Variants in ARNT2 observed in about 807,000 individuals in gnomAD.
ARNT2 encodes the protein aryl hydrocarbon receptor nuclear translocator 2.
In ARNT2, 36 loss-of-function variants were observed where a neutral mutation model predicts 91.7. That is an observed-to-expected ratio of 0.39 (90% confidence interval 0.30 to 0.52). The LOEUF is 0.52. Among genes scored for constraint, ARNT2 ranks in the 20% least tolerant of loss-of-function variants. The pLI is 0.72. For missense variants in ARNT2, 775 were observed against 939.3 expected (o/e 0.83, Z 2.29); for synonymous variants, 365 against 347.1 (o/e 1.05, Z -0.57).
At chr15:80,514,223 G>A in intron 7 of ARNT2, 97 bp from the exon 8 acceptor site, 1 of 1,306,040 alleles carries the variant, frequency 7.7e-7, no homozygotes, top group Non-Finnish European at 1.1e-6. Flanking sequence ...CACAAAGGCA[G>A]ACAAGGGAAC....
chr15:80,468,425 G>T (rs1896688872), intron 3 of ARNT2, among the ~76,000 whole-genome samples: 1 of 151,890 alleles, frequency 6.6e-6, no homozygotes, highest in Non-Finnish European at 1.5e-5. Context: ...TTGCTCCTCG[G>T]CCCCTCTACT....
intron 6 of ARNT2, among the ~76,000 whole-genome samples, chr15:80,508,956 G>A (rs541521980): frequency 2.2e-4 from 33 of 152,334 alleles, no homozygotes; most frequent in East Asian, 9.6e-4. Flanking sequence ...TGCCCCCTGA[G>A]GGATGGTTGA....
At chr15:80,495,370 C>T (rs147561708) in intron 5 of ARNT2, among the ~76,000 whole-genome samples, 1 of 152,324 alleles carries the variant, frequency 6.6e-6, no homozygotes, top group East Asian at 1.9e-4. Flanking sequence ...ACTCAGGTTC[C>T]AAGTTGAGGT....
At chr15:80,514,090 C>G (rs190300809) in intron 7 of ARNT2, 114 bp downstream of exon 7, 636 of 1,123,408 alleles carry the variant, frequency 5.7e-4, no homozygotes, top group Non-Finnish European at 7.9e-4. Flanking sequence ...ACCAAGAGAA[C>G]CAGACATCAG....
In ARNT2 at chr15:80,543,153, G is replaced by T. The variant is rs535709579; in HGVS notation, c.878-8046G>T. ...TGCGTATATGCCTCTTGCCTTCTTTGCCCACAAACATATGTTTACCAGCAA... is the reference window on the plus strand; with the variant it reads ...TGCGTATATGCCTCTTGCCTTCTTTTCCCACAAACATATGTTTACCAGCAA... On this transcript the variant is annotated intron_variant, in intron 8 of 18. Transcript: ENST00000303329. 2.1e-5 allele frequency among the ~76,000 whole-genome samples: 3 copies of T among 143,716 alleles called. No individual in the cohort carries two copies. In the South Asian group the frequency reaches 6.8e-4, roughly 33 times the overall value. 94.3% of individuals were successfully genotyped at this position (143,716 alleles called of 152,430 possible).
Position 80,520,090 on chromosome 15 carries a change from T to C in ARNT2, c.877+5685T>C, listed in dbSNP as rs1051904419. ...ATGACCCAGTTCCCAGTTTGACTTTTCCCTTTGGATTAGTGAGTTAGAGTT... is the reference window on the plus strand; with the variant it reads ...ATGACCCAGTTCCCAGTTTGACTTTCCCCTTTGGATTAGTGAGTTAGAGTT... On this transcript the variant is annotated intron_variant, in intron 8 of 18. Coordinates refer to ENST00000303329, the MANE Select transcript of ARNT2 (RefSeq NM_014862.4). Among the ~76,000 whole-genome samples, 9 of 151,904 alleles carry C rather than the reference T, an allele frequency of 5.9e-5. No homozygotes were observed. The East Asian group carries it at 1.2e-3, about 20-fold the overall frequency.
Position 80,551,195 on chromosome 15 carries a change from T to G in ARNT2, c.878-4T>G. 6.2e-7 allele frequency: 1 copy of G among 1,613,490 alleles called. No individual in the cohort carries two copies. Among genetic ancestry groups the G allele is most frequent in the South Asian group, 1.1e-5 (1 of 91,050 alleles). On this transcript the variant is annotated splice_region_variant and splice_polypyrimidine_tract_variant and intron_variant, in intron 8 of 18. Coordinates refer to ENST00000303329, the MANE Select transcript of ARNT2 (RefSeq NM_014862.4). ...GTTGATGACACAGGTATTTCCCATT[T>G]CAGGAATGACCATACCTGAAGAAGA...
chr15:80,509,843 G>C (rs1897318451), intron 6 of ARNT2, among the ~76,000 whole-genome samples: 1 of 152,204 alleles, frequency 6.6e-6, no homozygotes, highest in African/African-American at 2.4e-5. Flanking sequence ...CCTTGTCTCA[G>C]AAGCAGAGTG....
At chr15:80,418,735 G>A (rs914315161) in intron 1 of ARNT2, among the ~76,000 whole-genome samples, 1 of 152,172 alleles carries the variant, frequency 6.6e-6, no homozygotes, top group African/African-American at 2.4e-5. Context: ...CTCTGTAGCT[G>A]GCTGGCTCCT....
chr15:80,493,754 T>C (rs1344485573), intron 5 of ARNT2, among the ~76,000 whole-genome samples: 2 of 152,186 alleles, frequency 1.3e-5, no homozygotes, highest in African/African-American at 2.4e-5. Flanking sequence ...GTTGGAATGG[T>C]TGTCCCCTCC....
At chr15:80,492,133 C>A (rs1314729664) in intron 5 of ARNT2, among the ~76,000 whole-genome samples, 4 of 152,088 alleles carry the variant, frequency 2.6e-5, no homozygotes, top group Non-Finnish European at 4.4e-5. Flanking sequence ...CTTGCCCTTC[C>A]AGGCTGAAGT....
chr15:80,582,560 C>T (rs1898819011), intron 17 of ARNT2, among the ~76,000 whole-genome samples: 1 of 152,090 alleles, frequency 6.6e-6, no homozygotes, highest in Non-Finnish European at 1.5e-5. Context: ...TTGTCATCTG[C>T]TGCCCAGCCC....
intron 5 of ARNT2, among the ~76,000 whole-genome samples, chr15:80,477,840 G>T (rs8023708): frequency 6.6e-6 from 1 of 152,136 alleles, no homozygotes; most frequent in Non-Finnish European, 1.5e-5. Flanking sequence ...TATGATAAGA[G>T]TGAGTTTGAT....
intron 11 of ARNT2, among the ~76,000 whole-genome samples, chr15:80,559,327 A>AGC (rs1567001217): frequency 2.5e-4 from 38 of 151,318 alleles, no homozygotes; most frequent in Admixed American, 6.6e-4. Context: ...CCAGCCCCAG[A>AGC]CCCAGCCCCA....
chr15:80,483,283 T>C (rs1240111578), intron 5 of ARNT2, among the ~76,000 whole-genome samples: 1 of 146,976 alleles, frequency 6.8e-6, no homozygotes, highest in African/African-American at 2.4e-5. Flanking sequence ...ACTGCTGAAC[T>C]AAAGAATTTA....
rs11858404 is a variant in ARNT2, at chr15:80,591,711, C to A, written c.2055+7C>A. The A allele has an allele frequency of 1.6e-5, 26 of 1,613,580 alleles. No homozygotes were observed. The South Asian group carries it at 2.9e-4, about 18-fold the overall frequency. ...TCAGACTGAAGTGTTCCAGGTAAATCGAGCGAGCACCGCCTTCTCGTAGGT... is the reference window on the plus strand; with the variant it reads ...TCAGACTGAAGTGTTCCAGGTAAATAGAGCGAGCACCGCCTTCTCGTAGGT... On this transcript the variant is annotated splice_region_variant and intron_variant, in intron 18 of 18. Transcript: ENST00000303329. The surrounding 1 kb of genome is among the most constrained non-coding windows in gnomAD (Gnocchi z 5.1).
chr15:80,597,608 T>G lies in ARNT2; in HGVS notation c.*3910T>G. ...TGTTATGGTCAACAACAGGCCAGGG[T>G]CTGTGGGGCACTGACCTTGAAAGTG... On this transcript the variant is annotated 3_prime_UTR_variant, in exon 19 of 19. Coordinates refer to ENST00000303329, the MANE Select transcript of ARNT2 (RefSeq NM_014862.4). 1 of 180,718 alleles carries G rather than the reference T, an allele frequency of 5.5e-6. No individual in the cohort carries two copies. Among genetic ancestry groups the G allele is most frequent in the Non-Finnish European group, 1.2e-5 (1 of 84,566 alleles). 11.2% of individuals were successfully genotyped at this position (180,718 alleles called of 1,614,324 possible). A position where few individuals can be genotyped will look rare whatever the true frequency, so the allele number is the denominator to read the frequency against.
intron 9 of ARNT2, among the ~76,000 whole-genome samples, 181 bp downstream of exon 9, chr15:80,551,456 G>C (rs915285197): frequency 1.3e-5 from 2 of 152,210 alleles, no homozygotes; most frequent in Non-Finnish European, 2.9e-5. Context: ...ACTGTGAGCT[G>C]TAAGCAGAGT....
intron 11 of ARNT2, among the ~76,000 whole-genome samples, chr15:80,561,900 G>C (rs188948139): frequency 8.5e-5 from 13 of 152,308 alleles, no homozygotes; most frequent in Non-Finnish European, 1.6e-4. Context: ...ATGAGTTGCT[G>C]TTAATCTCTT....
Sources: gnomAD v4.1 joint callset for allele counts (sites outside exome capture counted in the v4.1 genomes callset) on GRCh38, gnomAD v4.1.1 for gene constraint, Gnocchi (gnomAD v3.1) non-coding constraint, MANE v1.5 for transcripts, NCBI Gene and HGNC (gene_info 2026-07-23, HGNC 2026-07-21) for gene names.